ERCC6: variants seen among roughly 807,000 people sequenced by gnomAD.
ERCC6 encodes DNA excision repair protein ERCC-6.
In ERCC6, 116 loss-of-function variants were observed where a neutral mutation model predicts 158.7. The observed-to-expected ratio is 0.73, with a 90% confidence interval of 0.63 to 0.85. The LOEUF (loss-of-function observed/expected upper bound fraction) is 0.85. Ranked by LOEUF, ERCC6 falls within the 40% of genes least tolerant of loss-of-function variation. The pLI is 0.00. For synonymous variants in ERCC6, 678 were observed against 659.3 expected, an observed-to-expected ratio of 1.03 and a Z score of -0.43; for missense variants, 1,698 against 1,799.4, an observed-to-expected ratio of 0.94 and a Z score of 1.02.
chr10:49,470,121 G>T, intron 18 of ERCC6, 61 bp downstream of exon 18: 1 of 1,479,780 alleles, frequency 6.8e-7, no homozygotes, highest in East Asian at 2.3e-5. Context: ...GCTACTGCTA[G>T]AAACAGCCTA....
intron 18 of ERCC6, among the ~76,000 whole-genome samples, chr10:49,463,223 G>T (rs529154666): frequency 7.9e-4 from 121 of 152,242 alleles, no homozygotes; most frequent in African/African-American, 2.8e-3. Context: ...ATAGCCTGAA[G>T]GTAATTTTAA....
At chr10:49,497,451 C>G (rs912208474) in intron 7 of ERCC6, among the ~76,000 whole-genome samples, 1 of 152,224 alleles carries the variant, frequency 6.6e-6, no homozygotes, top group Non-Finnish European at 1.5e-5. Flanking sequence ...CTTCTGCAAA[C>G]TGCTACATTG....
chr10:49,439,009 C>G, the ERCC6 span, among the ~76,000 whole-genome samples: 1 of 152,236 alleles, frequency 6.6e-6, no homozygotes, highest in Non-Finnish European at 1.5e-5. Flanking sequence ...TGCCCAGCTG[C>G]TTTCATGGGC....
At position 49,516,328 on chromosome 10, in the gene ERCC6, T is replaced by C. The variant is rs556898013; in HGVS notation, c.1397+7705A>G. 5 of 1,614,132 alleles carry C rather than the reference T, an allele frequency of 3.1e-6. No individual in the cohort carries two copies. The Admixed American group carries it at 8.3e-5, about 27-fold the overall frequency. On this transcript the variant is annotated intron_variant, in intron 5 of 20. Coordinates refer to ENST00000355832, the MANE Select transcript of ERCC6 (RefSeq NM_000124.4). ...TCATCAAAGCTGAAATATGTTTCAT[T>C]TGGAACAAATTTCATGCATCTCTCA... is the stretch of plus-strand genomic sequence containing the variant.
intron 8 of ERCC6, among the ~76,000 whole-genome samples, chr10:49,486,667 T>C (rs1179977930): frequency 6.6e-6 from 1 of 152,144 alleles, no homozygotes; most frequent in Non-Finnish European, 1.5e-5. Flanking sequence ...AGCTAAAAAG[T>C]TCGTTGCAAA....
At chr10:49,503,541 C>T (rs1413627322) in intron 6 of ERCC6, 2 of 152,060 alleles carry the variant, frequency 1.3e-5, no homozygotes, top group African/African-American at 4.8e-5. Context: ...AAAGGAAATT[C>T]ACTTGCAGAT....
At chr10:49,534,317 T>C (rs950990671) in intron 1 of ERCC6, among the ~76,000 whole-genome samples, 10 of 152,210 alleles carry the variant, frequency 6.6e-5, no homozygotes, top group Non-Finnish European at 1.5e-4. Flanking sequence ...TAGGGACAAC[T>C]TAGCAATATC....
chr10:49,523,924 CG>C (rs985048362), intron 5 of ERCC6, 108 bp downstream of exon 5: 31 of 1,495,266 alleles, frequency 2.1e-5, no homozygotes, highest in Non-Finnish European at 2.6e-5. Flanking sequence ...TCTGTATAAT[CG>C]GGGGGGTCTA....
rs4253014 is a variant in ERCC6, at chr10:49,532,216, G to T, written c.422+327C>A. 5.3e-3 allele frequency among the ~76,000 whole-genome samples: 814 copies of T among 152,246 alleles called. 7 individuals carry two copies. The highest frequency in any genetic ancestry group is 0.017 in the African/African-American group (712 of 41,524). On this transcript the variant is annotated intron_variant, in intron 2 of 20. Transcript: ENST00000355832. ...GGGCGCAATGTATTCCTGGCATCTC[G>T]AATAGGAAACACCTGAATTTAGGTG...
intron 16 of ERCC6, among the ~76,000 whole-genome samples, chr10:49,471,886 G>C (rs1332970617): frequency 1.3e-5 from 2 of 152,180 alleles, no homozygotes; most frequent in East Asian, 3.8e-4. Context: ...AGTTACCACT[G>C]TCTAAAATCC....
At position 49,532,586 on chromosome 10, in the gene ERCC6, C is replaced by T. The variant is rs116275562; in HGVS notation, c.379G>A (p.Val127Ile). 9.7e-5 allele frequency: 156 copies of T among 1,614,200 alleles called. No individual in the cohort carries two copies. The East Asian group carries it at 2.0e-3, about 21-fold the overall frequency. ...IHEASRASQLVDVEKEYRSVL... is the reference protein window; with the variant it reads ...IHEASRASQLIDVEKEYRSVL... ...GACCGATACTCCTTCTCCACGTCAA[C>T]GAGCTGGGAGGCACGGCTGGCCTCA... The change falls in exon 2 of 21, where the codon GTT becomes ATT. Residue 127 changes from valine (V) to isoleucine (I), a missense_variant. By Grantham distance (29) the Val-to-Ile change is conservative. Coordinates refer to ENST00000355832, the MANE Select transcript of ERCC6 (RefSeq NM_000124.4).
chr10:49,473,827 G>A (rs1284584457), intron 13 of ERCC6, among the ~76,000 whole-genome samples, 200 bp downstream of exon 13: 1 of 152,160 alleles, frequency 6.6e-6, no homozygotes, highest in Non-Finnish European at 1.5e-5. Flanking sequence ...AGAATCACAT[G>A]GTGAGCTTTT....
At chr10:49,513,690 T>A (rs747587683) in intron 5 of ERCC6, among the ~76,000 whole-genome samples, 2 of 152,092 alleles carry the variant, frequency 1.3e-5, no homozygotes, top group Non-Finnish European at 2.9e-5. Context: ...TAAGCTCTCA[T>A]GAAAACTAAC....
At chr10:49,500,998 G>T in intron 6 of ERCC6, 1 of 295,002 alleles carries the variant, frequency 3.4e-6, no homozygotes, top group Non-Finnish European at 6.4e-6. Context: ...TGCTAAACAA[G>T]CATAAACTTA....
In ERCC6 at chr10:49,455,501, T is replaced by G. The variant is rs1186544061; in HGVS notation, c.*3314A>C. On this transcript the variant is annotated 3_prime_UTR_variant, in exon 21 of 21. Coordinates refer to ENST00000355832, the MANE Select transcript of ERCC6 (RefSeq NM_000124.4). The stretch of plus-strand genomic sequence containing the variant: ...CTTGCCCATGAATGGCAAAACACAA[T>G]GCAAAGCACCAAATGACAGCGTGAG... The G allele has an allele frequency of 6.6e-6, 1 of 152,158 alleles. No individual in the cohort carries two copies. Among genetic ancestry groups the G allele is most frequent in the Non-Finnish European group, 1.5e-5 (1 of 68,044 alleles). The allele number at this position is 152,158 out of a possible 1,614,324, so 9.4% of individuals were successfully genotyped here.
chr10:49,473,294 C>G (rs776607152), intron 14 of ERCC6, among the ~76,000 whole-genome samples, 183 bp downstream of exon 14: 1 of 152,208 alleles, frequency 6.6e-6, no homozygotes, highest in Non-Finnish European at 1.5e-5. Flanking sequence ...CACATGCCCA[C>G]AATCCCCGCC....
chr10:49,447,255 A>G, the ERCC6 span, among the ~76,000 whole-genome samples: 3 of 152,366 alleles, frequency 2.0e-5, no homozygotes, highest in South Asian at 2.1e-4. Flanking sequence ...GACTGAAAGC[A>G]ATATTGAACA....
chr10:49,470,132 C>T, intron 18 of ERCC6, 50 bp downstream of exon 18: 7 of 1,532,104 alleles, frequency 4.6e-6, no homozygotes, highest in Non-Finnish European at 6.3e-6. Context: ...AAACAGCCTA[C>T]TCATTTTCTA....
In ERCC6 at chr10:49,464,249, G is replaced by T. The variant is rs766106661; in HGVS notation, c.3779-2693C>A. On this transcript the variant is annotated intron_variant, in intron 18 of 20. Coordinates refer to ENST00000355832, the MANE Select transcript of ERCC6 (RefSeq NM_000124.4). Reference sequence around the variant, plus strand: ...GTTATGTTTTAGCAAAGAGACAGGCGGCATTTTGCCCCTGCCCTAGAGATC... The same window carrying T: ...GTTATGTTTTAGCAAAGAGACAGGCTGCATTTTGCCCCTGCCCTAGAGATC... Among the ~76,000 whole-genome samples the T allele has an allele frequency of 2.6e-5, 4 of 152,178 alleles. No homozygotes were observed. The East Asian group carries it at 7.7e-4, about 29-fold the overall frequency.
Sources: allele counts gnomAD v4.1 joint callset (sites outside exome capture counted in the v4.1 genomes callset), GRCh38; gene constraint gnomAD v4.1.1; transcripts MANE v1.5; gene names NCBI Gene and HGNC (gene_info 2026-07-23, HGNC 2026-07-21).